The following ZC3HAV1 variants were observed in gnomAD, a reference collection of about 807,000 sequenced individuals.
ZC3HAV1 encodes the protein zinc finger CCCH-type antiviral protein 1.
Under a neutral mutation model 86.6 loss-of-function variants are expected in ZC3HAV1, and 41 were observed. The ratio of observed to expected loss-of-function variants is 0.47; its 90% CI spans 0.37 to 0.61. The LOEUF is 0.61. Among genes scored for constraint, ZC3HAV1 ranks in the 20% least tolerant of loss-of-function variants. ZC3HAV1 has a pLI of 0.00. For synonymous variants in ZC3HAV1, 421 were observed against 432.1 expected (o/e 0.97, Z 0.32); for missense variants, 964 against 1,141.1 (o/e 0.84, Z 2.24).
chr7:139,047,381 T>A lies in ZC3HAV1; in HGVS notation c.*213A>T. 1.9e-6 allele frequency: 1 copy of A among 539,294 alleles called. No individual in the cohort carries two copies. The highest frequency in any genetic ancestry group is 3.2e-6 in the Non-Finnish European group (1 of 317,358). 33.4% of individuals were successfully genotyped at this position (539,294 alleles called of 1,614,324 possible). ...ACTGCCTGGCGCTGACGCCCAGAAA[T>A]GATTTCATTGGCATGGGGTGCAACC... On this transcript the variant is annotated 3_prime_UTR_variant, in exon 13 of 13. Coordinates refer to ENST00000242351, the MANE Select transcript of ZC3HAV1 (RefSeq NM_020119.4).
intron 1 of ZC3HAV1, among the ~76,000 whole-genome samples, chr7:139,107,761 C>T (rs1817977454): frequency 1.3e-5 from 2 of 152,162 alleles, no homozygotes; most frequent in African/African-American, 4.8e-5. Context: ...CGAGGTGGAG[C>T]CACTGCACTC....
At chr7:139,089,889 G>T in intron 1 of ZC3HAV1, 130 bp from the exon 2 acceptor site, 2 of 933,498 alleles carry the variant, frequency 2.1e-6, no homozygotes, top group Non-Finnish European at 3.0e-6. Flanking sequence ...GGTTGGTTCT[G>T]CTTAAAGAAT....
intron 1 of ZC3HAV1, among the ~76,000 whole-genome samples, chr7:139,107,902 T>C (rs1050395055): frequency 1.1e-4 from 16 of 151,840 alleles, no homozygotes; most frequent in South Asian, 6.2e-4. Context: ...ACAGAAAGGG[T>C]GGGAGGAAAG....
intron 7 of ZC3HAV1, among the ~76,000 whole-genome samples, chr7:139,066,655 T>C (rs1463336860): frequency 6.6e-6 from 1 of 152,202 alleles, no homozygotes; most frequent in East Asian, 1.9e-4. Context: ...GATTCAATGG[T>C]GCCCGGTAAA....
At chr7:139,067,947 G>A (rs1459049467) in intron 7 of ZC3HAV1, among the ~76,000 whole-genome samples, 1 of 151,814 alleles carries the variant, frequency 6.6e-6, no homozygotes, top group African/African-American at 2.4e-5. Context: ...TTGTCTAATA[G>A]GGTTTGTTTG....
intron 1 of ZC3HAV1, among the ~76,000 whole-genome samples, chr7:139,100,177 C>G (rs1309242454): frequency 2.0e-5 from 3 of 151,778 alleles, no homozygotes; most frequent in African/African-American, 7.3e-5. Flanking sequence ...GTAAGACAAA[C>G]TTAAAAAAAT....
At chr7:139,077,906 A>C (rs2130702867) in intron 5 of ZC3HAV1, among the ~76,000 whole-genome samples, 1 of 152,338 alleles carries the variant, frequency 6.6e-6, no homozygotes, top group Non-Finnish European at 1.5e-5. Flanking sequence ...ACCACTCATT[A>C]TAGTCCACAC....
chr7:139,079,997 G>A lies in ZC3HAV1; in HGVS notation c.944C>T (p.Ala315Val). The A allele has an allele frequency of 6.2e-7, 1 of 1,614,162 alleles. No homozygotes were observed. The highest frequency in any genetic ancestry group is 2.2e-5 in the East Asian group (1 of 44,864). The change falls in exon 4 of 13, where the codon GCT becomes GTT. Residue 315 changes from alanine to valine, a missense_variant. By Grantham distance (64) the Ala-to-Val change is moderately conservative (BLOSUM62 0). Coordinates refer to ENST00000242351, the MANE Select transcript of ZC3HAV1 (RefSeq NM_020119.4). The stretch of plus-strand genomic sequence containing the variant: ...CTGACTTGTTCCTCCAAGATCAGTA[G>A]CCTTGGACGAGCCTGAGGGAGGCCG... Reference protein sequence around the residue: ...RARPPSGSSKATDLGGTSQAG... With the variant: ...RARPPSGSSKVTDLGGTSQAG...
chr7:139,089,503 G>T, intron 2 of ZC3HAV1, 121 bp downstream of exon 2: 1 of 1,280,750 alleles, frequency 7.8e-7, no homozygotes, highest in South Asian at 1.7e-5. Context: ...TAACAGCCTC[G>T]ACTACCACCT....
At chr7:139,072,564 T>C (rs1180477323) in intron 7 of ZC3HAV1, among the ~76,000 whole-genome samples, 1 of 152,076 alleles carries the variant, frequency 6.6e-6, no homozygotes, top group Admixed American at 6.5e-5. Flanking sequence ...ATTACCTGCT[T>C]AAGGTCTGTT....
intron 9 of ZC3HAV1, among the ~76,000 whole-genome samples, chr7:139,057,384 G>T (rs956914012): frequency 3.3e-4 from 50 of 152,122 alleles, no homozygotes; most frequent in African/African-American, 1.1e-3. Context: ...AGAGGTGATG[G>T]TAGTAACAAT....
chr7:139,070,725 A>T (rs1347763457), intron 7 of ZC3HAV1, among the ~76,000 whole-genome samples: 1 of 151,216 alleles, frequency 6.6e-6, no homozygotes, highest in African/African-American at 2.4e-5. Context: ...TTACACCTGT[A>T]ATCCCAGCAC....
chr7:139,044,625 T>C lies in ZC3HAV1; in HGVS notation c.*2969A>G, dbSNP rs1815906982. Reference sequence around the variant, plus strand: ...CTGATAGGGTTTGTGGTTGTCACCGTGACTGGGCGTGGGGGTGGGGGCGCT... The same window carrying C: ...CTGATAGGGTTTGTGGTTGTCACCGCGACTGGGCGTGGGGGTGGGGGCGCT... On this transcript the variant is annotated 3_prime_UTR_variant, in exon 13 of 13. Coordinates refer to ENST00000242351, the MANE Select transcript of ZC3HAV1 (RefSeq NM_020119.4). 6.6e-6 allele frequency: 1 copy of C among 152,406 alleles called. No individual in the cohort carries two copies. The highest frequency in any genetic ancestry group is 2.4e-5 in the African/African-American group (1 of 41,386). The allele number at this position is 152,406 out of a possible 1,614,324, so 9.4% of individuals were successfully genotyped here.
At chr7:139,053,285 T>C (rs1229916011) in intron 12 of ZC3HAV1, among the ~76,000 whole-genome samples, 166 bp downstream of exon 12, 1 of 152,168 alleles carries the variant, frequency 6.6e-6, no homozygotes, top group Admixed American at 6.5e-5. Flanking sequence ...ACTGATTCAC[T>C]CTCATTTGGG....
At chr7:139,098,717 G>A (rs1025958078) in intron 1 of ZC3HAV1, among the ~76,000 whole-genome samples, 1 of 152,288 alleles carries the variant, frequency 6.6e-6, no homozygotes, top group African/African-American at 2.4e-5. Context: ...ATGGGAAATA[G>A]AGAAAAGATC....
chr7:139,106,417 G>A lies in ZC3HAV1; in HGVS notation c.308+2607C>T, dbSNP rs534667246. Among the ~76,000 whole-genome samples the A allele has an allele frequency of 2.4e-3, 370 of 152,094 alleles. 1 individual carries two copies. Among genetic ancestry groups the A allele is most frequent in the African/African-American group, 8.4e-3 (350 of 41,486 alleles). On this transcript the variant is annotated intron_variant, in intron 1 of 12. Coordinates refer to ENST00000242351, the MANE Select transcript of ZC3HAV1 (RefSeq NM_020119.4). ...CGCTTGAGCTCAGGAGTTCGAGACCGGCCTGGCCAACATCGCGAAACCCCA... is the reference window on the plus strand; with the variant it reads ...CGCTTGAGCTCAGGAGTTCGAGACCAGCCTGGCCAACATCGCGAAACCCCA...
At position 139,084,025 on chromosome 7, in the gene ZC3HAV1, T is replaced by C; in HGVS notation, c.452A>G (p.Lys151Arg). The change falls in exon 3 of 13, where the codon AAA becomes AGA. Residue 151 changes from lysine to arginine, a missense_variant. Lys to Arg is a conservative substitution (Grantham distance 26, BLOSUM62 2). Transcript: ENST00000242351. ...CTGCCGACCCTCTCCCTTATAACTT[T>C]TGCATATCTACAGAAGGGAGAAACA... Reference protein sequence around the residue: ...SDPFFMPEICKSYKGEGRQQI... With the variant: ...SDPFFMPEICRSYKGEGRQQI... The C allele has an allele frequency of 9.3e-6, 15 of 1,613,726 alleles. No individual in the cohort carries two copies. The highest frequency in any genetic ancestry group is 1.3e-5 in the Non-Finnish European group (15 of 1,179,744).
intron 1 of ZC3HAV1, among the ~76,000 whole-genome samples, chr7:139,102,251 A>C (rs890166123): frequency 7.2e-5 from 11 of 152,140 alleles, no homozygotes; most frequent in African/African-American, 2.7e-4. Context: ...CTCCCGCCTC[A>C]GCCTCCTGAG....
chr7:139,073,425 T>A (rs576112381), intron 7 of ZC3HAV1, among the ~76,000 whole-genome samples: 1 of 152,134 alleles, frequency 6.6e-6, no homozygotes, highest in African/African-American at 2.4e-5. Context: ...TACCACTTCC[T>A]CTACCACACT....
Sources: gnomAD v4.1 joint callset for allele counts (sites outside exome capture counted in the v4.1 genomes callset) on GRCh38, gnomAD v4.1.1 for gene constraint, MANE v1.5 for transcripts, NCBI Gene and HGNC (gene_info 2026-07-23, HGNC 2026-07-21) for gene names.